Variants in BCAR3 observed in about 807,000 individuals in gnomAD.
BCAR3 encodes breast cancer anti-estrogen resistance protein 3.
Under a neutral mutation model 80.1 loss-of-function variants are expected in BCAR3, and 37 were observed. That is an observed-to-expected ratio of 0.46 (90% CI 0.36 to 0.61). The LOEUF (loss-of-function observed/expected upper bound fraction) is 0.61, where lower values mean the gene tolerates loss of function less well. BCAR3 is among the 20% of genes least tolerant of loss of function. The probability of loss-of-function intolerance (pLI) is 0.00; values close to 1 mark genes in which losing one functional copy is unlikely to be tolerated. For missense variants in BCAR3, 978 were observed against 1,068.2 expected, an observed-to-expected ratio of 0.92 and a Z score of 1.18; for synonymous variants, 389 against 418.9, an observed-to-expected ratio of 0.93 and a Z score of 0.87.
chr1:93,723,826 A>AG (rs1328556095), intron 2 of BCAR3, among the ~76,000 whole-genome samples: 1 of 152,198 alleles, frequency 6.6e-6, no homozygotes, highest in African/African-American at 2.4e-5. Flanking sequence ...ACTGGAATGC[A>AG]GGGCCTCTCG....
At chr1:93,749,511 C>T (rs1197328338) in intron 2 of BCAR3, among the ~76,000 whole-genome samples, 1 of 151,462 alleles carries the variant, frequency 6.6e-6, no homozygotes, top group East Asian at 1.9e-4. Flanking sequence ...ATGGCATGAA[C>T]CCAGGAGGTG....
intron 3 of BCAR3, among the ~76,000 whole-genome samples, chr1:93,625,403 C>T (rs540944642): frequency 2.7e-4 from 41 of 152,266 alleles, no homozygotes; most frequent in Non-Finnish European, 5.4e-4. Flanking sequence ...AGGAGACAGA[C>T]AGGAGGGCAC....
intron 2 of BCAR3, among the ~76,000 whole-genome samples, chr1:93,654,628 G>C (rs1166440466): frequency 6.6e-6 from 1 of 152,150 alleles, no homozygotes; most frequent in Admixed American, 6.5e-5. Flanking sequence ...AAATGAACAT[G>C]CTCATTGTCT....
chr1:93,722,668 C>A (rs749809189), intron 2 of BCAR3, among the ~76,000 whole-genome samples: 1 of 152,092 alleles, frequency 6.6e-6, no homozygotes, highest in African/African-American at 2.4e-5. Flanking sequence ...AGTCCCAGTC[C>A]CAGGGACTGG....
rs1178630036 is a variant in BCAR3 at position 93,777,424 on chromosome 1, TC to T, written c.-63+68142del. Among the ~76,000 whole-genome samples, 665 of 131,692 alleles carry T rather than the reference TC, an allele frequency of 5.0e-3. 7 individuals are homozygous for T. The highest frequency in any genetic ancestry group is 0.018 in the African/African-American group (589 of 32,248). 86.4% of individuals were successfully genotyped at this position (131,692 alleles called of 152,430 possible). A position where few individuals can be genotyped will look rare whatever the true frequency, so the allele number is the denominator to read the frequency against. On this transcript the variant is annotated intron_variant, in intron 2 of 13. Coordinates refer to the BCAR3 transcript ENST00000370244. The stretch of plus-strand genomic sequence containing the variant: ...CTCTTCCTCCTCCTCTTCCTCCTCC[TC>T]TTCCTCCTCCTCCTCTTCCTCCTCC...
At chr1:93,689,043 G>A (rs555028073) in intron 3 of BCAR3, among the ~76,000 whole-genome samples, 1 of 152,292 alleles carries the variant, frequency 6.6e-6, no homozygotes, top group Non-Finnish European at 1.5e-5. Context: ...TCTACCATAT[G>A]GAAAGCATCA....
chr1:93,779,264 A>T, intron 2 of BCAR3, among the ~76,000 whole-genome samples: 1 of 152,190 alleles, frequency 6.6e-6, no homozygotes, highest in Non-Finnish European at 1.5e-5. Flanking sequence ...AGGTCCAATG[A>T]CTTGGCCAGG....
At chr1:93,700,929 G>C (rs549050258) in intron 3 of BCAR3, among the ~76,000 whole-genome samples, 1 of 152,364 alleles carries the variant, frequency 6.6e-6, no homozygotes, top group South Asian at 2.1e-4. Flanking sequence ...CTAGCGCAGG[G>C]CAGGCATGTG....
intron 2 of BCAR3, among the ~76,000 whole-genome samples, chr1:93,659,167 A>C (rs1647532477): frequency 6.6e-6 from 1 of 152,176 alleles, no homozygotes; most frequent in South Asian, 2.1e-4. Context: ...GGATAGGGGA[A>C]ACAGAGATAG....
At chr1:93,829,954 G>A (rs556837731) in intron 2 of BCAR3, among the ~76,000 whole-genome samples, 1 of 152,214 alleles carries the variant, frequency 6.6e-6, no homozygotes, top group East Asian at 1.9e-4. Context: ...TAATGATAGA[G>A]TTCTCACAAG....
At chr1:93,820,832 T>C (rs1365857695) in intron 2 of BCAR3, among the ~76,000 whole-genome samples, 3 of 152,132 alleles carry the variant, frequency 2.0e-5, no homozygotes, top group African/African-American at 7.2e-5. Context: ...TTGATTCCTC[T>C]GGTAAGCCGA....
At chr1:93,693,055 C>T (rs770872154) in intron 3 of BCAR3, among the ~76,000 whole-genome samples, 1 of 152,110 alleles carries the variant, frequency 6.6e-6, no homozygotes, top group Non-Finnish European at 1.5e-5. Context: ...GCTGCCTCTC[C>T]AGTGCCCGGG....
intron 3 of BCAR3, among the ~76,000 whole-genome samples, chr1:93,641,269 T>C (rs1429524376): frequency 1.3e-5 from 2 of 152,170 alleles, no homozygotes; most frequent in Non-Finnish European, 2.9e-5. Flanking sequence ...CTCTGGTCTT[T>C]TAAAGAGGGA....
Position 93,750,003 on chromosome 1 carries a change from A to G in BCAR3, c.-62-43861T>C, listed in dbSNP as rs368392234. Among the ~76,000 whole-genome samples the G allele has an allele frequency of 1.4e-3, 212 of 151,790 alleles. 3 individuals are homozygous for G. The highest frequency in any genetic ancestry group is 1.2e-3 in the East Asian group (6 of 5,144). On this transcript the variant is annotated intron_variant, in intron 2 of 13. Coordinates refer to the BCAR3 transcript ENST00000370244. ...GAGGCACCAGAATTGGTCTCAGTTG[A>G]AGGAATTTGTACTACAATTGAGCAA...
chr1:93,822,175 GTTT>G (rs951879819), intron 2 of BCAR3, among the ~76,000 whole-genome samples: 3 of 145,538 alleles, frequency 2.1e-5, no homozygotes, highest in Non-Finnish European at 4.5e-5. Context: ...TCTTTGTGAT[GTTT>G]TTTTTTTCTT....
intron 2 of BCAR3, among the ~76,000 whole-genome samples, chr1:93,751,574 T>C (rs2100709568): frequency 6.6e-6 from 1 of 152,254 alleles, no homozygotes; most frequent in East Asian, 1.9e-4. Flanking sequence ...CTGCTTTGCC[T>C]CATAAACCTT....
intron 2 of BCAR3, among the ~76,000 whole-genome samples, chr1:93,664,143 A>C (rs889876401): frequency 6.6e-6 from 1 of 152,028 alleles, no homozygotes; most frequent in Non-Finnish European, 1.5e-5. Context: ...TTTGAGACGG[A>C]GTTTTGCTCT....
At position 93,701,346 on chromosome 1, in the gene BCAR3, G is replaced by A. The variant is rs1045328743; in HGVS notation, c.-12+4746C>T. Among the ~76,000 whole-genome samples, 19 of 152,238 alleles carry A rather than the reference G, an allele frequency of 1.2e-4. 3 individuals carry two copies. Among genetic ancestry groups the A allele is most frequent in the Admixed American group, 5.9e-4 (9 of 15,300 alleles). ...TCCTTCCAACCCAAAACGTGCCTTC[G>A]AGAGGGGCAGAGACCGGCCACCCCA... On this transcript the variant is annotated intron_variant, in intron 3 of 13. Coordinates refer to the BCAR3 transcript ENST00000370244.
chr1:93,796,111 T>C (rs1405963801), intron 2 of BCAR3, among the ~76,000 whole-genome samples: 1 of 82,466 alleles, frequency 1.2e-5, no homozygotes, highest in African/African-American at 6.8e-5. Context: ...GTCTTTTTGT[T>C]TGTCTGTGCC....
Sources: allele counts gnomAD v4.1 joint callset (sites outside exome capture counted in the v4.1 genomes callset), GRCh38; gene constraint gnomAD v4.1.1; transcripts MANE v1.5; gene names NCBI Gene and HGNC (gene_info 2026-07-23, HGNC 2026-07-21).